The following ACVR1C variants were observed in gnomAD, a reference collection of about 807,000 sequenced individuals.
The protein encoded by ACVR1C is activin A receptor type 1C, also known as activin receptor type-1C.
ACVR1C carries 23 observed loss-of-function variants against 57.9 expected under a neutral mutation model. The observed-to-expected ratio is 0.40, with a 90% CI of 0.29 to 0.56. The LOEUF is 0.56. Among genes scored for constraint, ACVR1C ranks in the 20% least tolerant of loss-of-function variants. ACVR1C has a pLI of 0.50. For synonymous variants in ACVR1C, 214 were observed against 215.3 expected, an observed-to-expected ratio of 0.99 and a Z score of 0.05; for missense variants, 480 against 607.9, an observed-to-expected ratio of 0.79 and a Z score of 2.21.
chr2:157,593,702 C>T (rs1302548342), intron 1 of ACVR1C, among the ~76,000 whole-genome samples: 2 of 152,118 alleles, frequency 1.3e-5, no homozygotes. Flanking sequence ...GGAAATCGGG[C>T]AAAGATCTAG....
intron 8 of ACVR1C, among the ~76,000 whole-genome samples, chr2:157,536,468 T>C (rs990101271): frequency 6.6e-6 from 1 of 152,280 alleles, no homozygotes; most frequent in East Asian, 1.9e-4. Context: ...GACTTCTCAA[T>C]AGCACTAATG....
intron 1 of ACVR1C, among the ~76,000 whole-genome samples, chr2:157,616,720 T>C (rs952792435): frequency 3.3e-5 from 5 of 152,066 alleles, no homozygotes; most frequent in South Asian, 2.1e-4. Context: ...AGTAAGAAGA[T>C]TGAAGTGTCA....
chr2:157,618,777 G>A (rs186550898), intron 1 of ACVR1C, among the ~76,000 whole-genome samples: 1 of 151,864 alleles, frequency 6.6e-6, no homozygotes, highest in East Asian at 1.9e-4. Context: ...AGATAAGCAT[G>A]TCATAATAAC....
chr2:157,537,118 G>A (rs552986615), intron 8 of ACVR1C, among the ~76,000 whole-genome samples: 16 of 152,100 alleles, frequency 1.1e-4, no homozygotes, highest in East Asian at 9.6e-4. Flanking sequence ...TTTCAATCAC[G>A]TAAGTTTCAC....
At chr2:157,623,901 ATAATT>A (rs1258028046) in intron 1 of ACVR1C, among the ~76,000 whole-genome samples, 1 of 152,052 alleles carries the variant, frequency 6.6e-6, no homozygotes. Flanking sequence ...ATTTTTTTGA[ATAATT>A]TAAATTTTTT....
At chr2:157,562,296 A>C (rs1262387405) in intron 2 of ACVR1C, among the ~76,000 whole-genome samples, 1 of 102,554 alleles carries the variant, frequency 9.8e-6, no homozygotes, top group Non-Finnish European at 2.1e-5. Flanking sequence ...ACCGTCTCAA[A>C]AAAAAAAAAA....
At chr2:157,559,886 G>A (rs905691303) in intron 2 of ACVR1C, among the ~76,000 whole-genome samples, 4 of 150,636 alleles carry the variant, frequency 2.7e-5, no homozygotes, top group African/African-American at 4.9e-5. Flanking sequence ...AGGGAGAGAA[G>A]GAGAGAGGGA....
At chr2:157,539,891 AGTATGTAT>A (rs1460530883) in intron 7 of ACVR1C, among the ~76,000 whole-genome samples, 1 of 152,248 alleles carries the variant, frequency 6.6e-6, no homozygotes, top group Admixed American at 6.5e-5. Context: ...AAAGAGAAAA[AGTATGTAT>A]GTTTGCTCAT....
At chr2:157,555,281 G>A (rs1036679917) in intron 3 of ACVR1C, among the ~76,000 whole-genome samples, 3 of 151,142 alleles carry the variant, frequency 2.0e-5, no homozygotes, top group Non-Finnish European at 2.9e-5. Context: ...ACCGCGCCCG[G>A]CTAATTTTTT....
intron 2 of ACVR1C, among the ~76,000 whole-genome samples, chr2:157,557,857 A>C (rs1374000285): frequency 6.6e-6 from 1 of 152,140 alleles, no homozygotes; most frequent in Non-Finnish European, 1.5e-5. Flanking sequence ...TTTAGAAAAA[A>C]AGTGATACAT....
At chr2:157,565,842 A>G (rs1324715209) in intron 2 of ACVR1C, among the ~76,000 whole-genome samples, 1 of 152,192 alleles carries the variant, frequency 6.6e-6, no homozygotes, top group Admixed American at 6.5e-5. Context: ...GATGATGAAC[A>G]TCAAGAGGCT....
intron 2 of ACVR1C, among the ~76,000 whole-genome samples, chr2:157,579,982 C>T (rs967026874): frequency 6.6e-6 from 1 of 151,768 alleles, no homozygotes; most frequent in African/African-American, 2.4e-5. Flanking sequence ...TGTTTATGCC[C>T]TTTCATTCTT....
chr2:157,554,704 T>C (rs1688049855), intron 3 of ACVR1C, among the ~76,000 whole-genome samples: 1 of 152,174 alleles, frequency 6.6e-6, no homozygotes, highest in African/African-American at 2.4e-5. Context: ...CATAGAGATG[T>C]TATCAGCCCT....
chr2:157,565,119 T>C (rs1688332611), intron 2 of ACVR1C, among the ~76,000 whole-genome samples: 1 of 151,514 alleles, frequency 6.6e-6, no homozygotes, highest in Admixed American at 6.6e-5. Flanking sequence ...GAATTTAAAG[T>C]AAAATTCTTT....
chr2:157,549,996 A>T (rs1373773998), intron 4 of ACVR1C, among the ~76,000 whole-genome samples, 166 bp downstream of exon 4: 1 of 113,596 alleles, frequency 8.8e-6, no homozygotes, highest in East Asian at 2.7e-4. Flanking sequence ...GAGCCAGATT[A>T]CGTCTCAAAA....
In ACVR1C at chr2:157,538,576, A is replaced by G; in HGVS notation, c.1353T>C (p.Cys451=). 6.4e-7 allele frequency: 1 copy of G among 1,556,966 alleles called. No individual in the cohort carries two copies. The highest frequency in any genetic ancestry group is 2.3e-5 in the East Asian group (1 of 42,576). ...ATAGATAAAAACATGGCCTTACTTCACAACTTTGCCACTGGTTTGGGATAC... is the reference window on the plus strand; with the variant it reads ...ATAGATAAAAACATGGCCTTACTTCGCAACTTTGCCACTGGTTTGGGATAC... ...RPSIPNQWQS[C]EALRVMGRIM... The change falls in exon 8 of 9, where the codon TGT becomes TGC. Residue 451 remains cysteine, a synonymous_variant. Transcript: ENST00000243349.
At chr2:157,581,848 T>C (rs960261343) in intron 2 of ACVR1C, among the ~76,000 whole-genome samples, 2 of 152,216 alleles carry the variant, frequency 1.3e-5, no homozygotes, top group African/African-American at 4.8e-5. Context: ...CTGTCTACTT[T>C]TCAGAGTACA....
chr2:157,565,210 C>T (rs190723041), intron 2 of ACVR1C, among the ~76,000 whole-genome samples: 6 of 152,128 alleles, frequency 3.9e-5, no homozygotes, highest in South Asian at 2.1e-4. Flanking sequence ...ATGAATCAGT[C>T]CAACATAAAA....
In ACVR1C at chr2:157,541,129, G is replaced by A. The variant is rs770286008; in HGVS notation, c.1186C>T (p.Leu396=). The change falls in exon 7 of 9, where the codon CTG becomes TTG. Residue 396 remains leucine, a synonymous_variant. Coordinates refer to ENST00000243349, the MANE Select transcript of ACVR1C (RefSeq NM_145259.3). ...FKRADIYSVG[L]VYWEIARRCS... Reference sequence around the variant, plus strand: ...CTCCGGGCTATTTCCCAGTAAACCAGACCAACAGAATAGATGTCAGCTCGT... The same window carrying A: ...CTCCGGGCTATTTCCCAGTAAACCAAACCAACAGAATAGATGTCAGCTCGT... 1 of 1,613,924 alleles carries A rather than the reference G, an allele frequency of 6.2e-7. No individual in the cohort carries two copies. Among genetic ancestry groups the A allele is most frequent in the Non-Finnish European group, 8.5e-7 (1 of 1,179,970 alleles).
Sources: allele counts gnomAD v4.1 joint callset (sites outside exome capture counted in the v4.1 genomes callset), GRCh38; gene constraint gnomAD v4.1.1; transcripts MANE v1.5; gene names NCBI Gene and HGNC (gene_info 2026-07-23, HGNC 2026-07-21).